The following C1QL4 variants were observed in gnomAD, a reference collection of about 807,000 sequenced individuals.
C1QL4 encodes the protein complement C1q like 4.
Under a neutral mutation model 13.4 loss-of-function variants are expected in C1QL4, and 5 were observed. That is an observed-to-expected ratio of 0.37 (90% CI 0.19 to 0.78). C1QL4 has a LOEUF of 0.78. Among genes scored for constraint, C1QL4 ranks in the 30% least tolerant of loss-of-function variants. The pLI is 0.47. For synonymous variants in C1QL4, 168 were observed against 153.9 expected (o/e 1.09, Z -0.68); for missense variants, 367 against 361.6 (o/e 1.01, Z -0.12).
intron 1 of C1QL4, 79 bp downstream of exon 1, chr12:49,335,862 A>T (rs1943626339): frequency 1.3e-6 from 2 of 1,486,096 alleles, no homozygotes; most frequent in Admixed American, 2.1e-5. Context: ...TTCGGGGAAT[A>T]ATCTCAGGTT....
chr12:49,333,265 G>T (rs1943606199), intron 1 of C1QL4, 32 bp from the exon 2 acceptor site: 10 of 1,600,380 alleles, frequency 6.2e-6, no homozygotes, highest in Admixed American at 1.7e-5. Context: ...CTCATGCTCT[G>T]TGTGGAGCTG....
chr12:49,335,864 T>C (rs978611452), intron 1 of C1QL4, 77 bp downstream of exon 1: 89 of 1,496,376 alleles, frequency 5.9e-5, no homozygotes, highest in Non-Finnish European at 7.9e-5. Context: ...CGGGGAATAA[T>C]CTCAGGTTGT....
rs1943635627 is a variant in C1QL4, at chr12:49,336,586, G to C, written c.-109C>G. The C allele has an allele frequency of 7.9e-7, 1 of 1,266,320 alleles. No individual in the cohort carries two copies. The allele number at this position is 1,266,320 out of a possible 1,614,324, so 78.4% of individuals were successfully genotyped here. A position where few individuals can be genotyped will look rare whatever the true frequency, so the allele number is the denominator to read the frequency against. ...TGGGCGCAATGGCTGCCGGGGCCGG[G>C]GCTCTCCGCGGGCCAGGAGGCGGTG... On this transcript the variant is annotated 5_prime_UTR_variant, in exon 1 of 2. Coordinates refer to ENST00000334221, the MANE Select transcript of C1QL4 (RefSeq NM_001008223.2). This position sits in a 1 kb window ranked among gnomAD's most constrained non-coding sequence, Gnocchi z 7.7.
chr12:49,335,884 G>T (rs1592316909), intron 1 of C1QL4, 57 bp downstream of exon 1: 10 of 1,546,088 alleles, frequency 6.5e-6, no homozygotes, highest in Non-Finnish European at 7.9e-6. Flanking sequence ...TGGGATGAGT[G>T]CAGGGAGATC....
At chr12:49,333,929 C>T (rs975938035) in intron 1 of C1QL4, among the ~76,000 whole-genome samples, 2 of 151,646 alleles carry the variant, frequency 1.3e-5, no homozygotes, top group African/African-American at 4.8e-5. Context: ...CGCGGTGGCT[C>T]ATACCTGTAA....
intron 1 of C1QL4, among the ~76,000 whole-genome samples, chr12:49,334,792 A>G (rs1195542997): frequency 6.6e-6 from 1 of 151,950 alleles, no homozygotes; most frequent in Non-Finnish European, 1.5e-5. Flanking sequence ...ACACACATAC[A>G]TATTCTTTCA....
Position 49,336,024 on chromosome 12 carries a change from C to T in C1QL4, c.454G>A (p.Gly152Ser), listed in dbSNP as rs1228969720. The T allele has an allele frequency of 2.5e-6, 4 of 1,611,798 alleles. No individual in the cohort carries two copies. The Admixed American group carries it at 5.0e-5, about 20-fold the overall frequency. Residue 152 changes from glycine (G) to serine (S), a missense_variant, in exon 1 of 2, where the codon GGC becomes AGC. Physicochemically the swap from Gly to Ser is moderately conservative, Grantham distance 56. Coordinates refer to ENST00000334221, the MANE Select transcript of C1QL4 (RefSeq NM_001008223.2). The surrounding 1 kb of genome is among the most constrained non-coding windows in gnomAD (Gnocchi z 7.7). ...ACGTGGTAAGCGAAGAAGTAGACGC[C>T]TGGCATGGGGCAAGTAAACTTGCCG... ...ASGKFTCPMP[G>S]VYFFAYHVLM...
chr12:49,332,972 G>T lies in C1QL4; in HGVS notation c.*82C>A. On this transcript the variant is annotated 3_prime_UTR_variant, in exon 2 of 2. Transcript: ENST00000334221. ...CCCACCGCCAGGCTCTCAAAGGGTG[G>T]GGTGGCGCCTCGGGTGGGGCGGGCA... 2 of 1,394,050 alleles carry T rather than the reference G, an allele frequency of 1.4e-6. No homozygotes were observed. The highest frequency in any genetic ancestry group is 1.9e-6 in the Non-Finnish European group (2 of 1,030,006). The allele number at this position is 1,394,050 out of a possible 1,614,324, so 86.4% of individuals were successfully genotyped here.
intron 1 of C1QL4, among the ~76,000 whole-genome samples, chr12:49,334,877 G>A (rs1943620147): frequency 6.6e-6 from 1 of 152,206 alleles, no homozygotes. Context: ...TCCCAAAGCA[G>A]GTCTCGGGGC....
chr12:49,335,332 G>C (rs891986208), intron 1 of C1QL4, among the ~76,000 whole-genome samples: 12 of 152,256 alleles, frequency 7.9e-5, no homozygotes, highest in Non-Finnish European at 1.8e-4. Context: ...GGGCAAGGCC[G>C]TTCTAGGCCC....
In C1QL4 at chr12:49,336,544, C is replaced by CAAAT; in HGVS notation, c.-71_-68dup. On this transcript the variant is annotated 5_prime_UTR_variant, in exon 1 of 2. Transcript: ENST00000334221. The surrounding 1 kb of genome is among the most constrained non-coding windows in gnomAD (Gnocchi z 7.7). ...TCAGCCGCGACGCTGCCAGGGCCAG[C>CAAAT]AAATCTTCCTCACTCTTGGGCGCAA... 1 of 1,404,442 alleles carries CAAAT rather than the reference C, an allele frequency of 7.1e-7. No homozygotes were observed. Among genetic ancestry groups the CAAAT allele is most frequent in the Non-Finnish European group, 9.2e-7 (1 of 1,088,498 alleles). 87.0% of individuals were successfully genotyped at this position (1,404,442 alleles called of 1,614,324 possible). A position where few individuals can be genotyped will look rare whatever the true frequency, so the allele number is the denominator to read the frequency against.
In C1QL4 at chr12:49,333,070, A is replaced by G. The variant is rs756193974; in HGVS notation, c.701T>C (p.Ile234Thr). ...GGGGCCGGCTCAGTCGGGGTAGATG[A>G]TGAAGCCGGAGAAGGTGCTGTACTT... is the stretch of plus-strand genomic sequence containing the variant. ...TNKYSTFSGF[I>T]IYPD is the part of the protein sequence containing the mutation. Residue 234 changes from isoleucine (I) to threonine (T), a missense_variant, in exon 2 of 2, where the codon ATC (isoleucine) becomes ACC (threonine). Coordinates refer to ENST00000334221, the MANE Select transcript of C1QL4 (RefSeq NM_001008223.2). The G allele has an allele frequency of 6.2e-7, 1 of 1,613,568 alleles. No homozygotes were observed. Among genetic ancestry groups the G allele is most frequent in the Non-Finnish European group, 8.5e-7 (1 of 1,179,762 alleles).
At position 49,333,003 on chromosome 12, in the gene C1QL4, T is replaced by G. The variant is rs1399131540; in HGVS notation, c.*51A>C. 12 of 1,494,638 alleles carry G rather than the reference T, an allele frequency of 8.0e-6. No individual in the cohort carries two copies. The highest frequency in any genetic ancestry group is 2.2e-4 in the Middle Eastern group (1 of 4,532). 92.6% of individuals were successfully genotyped at this position (1,494,638 alleles called of 1,614,324 possible). A position where few individuals can be genotyped will look rare whatever the true frequency, so the allele number is the denominator to read the frequency against. ...CGCCTCGGGTGGGGCGGGCAGGAGG[T>G]GGGTGAGGACGGGAGAGAAGGGGCG... On this transcript the variant is annotated 3_prime_UTR_variant, in exon 2 of 2. Transcript: ENST00000334221.
chr12:49,332,620 C>G lies in C1QL4; in HGVS notation c.*434G>C. 1 of 162,458 alleles carries G rather than the reference C, an allele frequency of 6.2e-6. No individual in the cohort carries two copies. Among genetic ancestry groups the G allele is most frequent in the Non-Finnish European group, 1.4e-5 (1 of 73,748 alleles). 10.1% of individuals were successfully genotyped at this position (162,458 alleles called of 1,614,324 possible). ...AGAGGGTGGCGAGAGAAAGTTGTGACGGAGAACCTGCACTACCCTGTTTTA... is the reference window on the plus strand; with the variant it reads ...AGAGGGTGGCGAGAGAAAGTTGTGAGGGAGAACCTGCACTACCCTGTTTTA... On this transcript the variant is annotated 3_prime_UTR_variant, in exon 2 of 2. Coordinates refer to ENST00000334221, the MANE Select transcript of C1QL4 (RefSeq NM_001008223.2).
In C1QL4 at chr12:49,333,146, C is replaced by T. The variant is rs1027795605; in HGVS notation, c.625G>A (p.Glu209Lys). The T allele has an allele frequency of 6.2e-6, 10 of 1,614,042 alleles. No individual in the cohort carries two copies. The highest frequency in any genetic ancestry group is 1.7e-5 in the Admixed American group (1 of 60,006). ...SVILHLDVGDEVFIKLDGGKV... is the reference protein window; with the variant it reads ...SVILHLDVGDKVFIKLDGGKV... ...CCGCCGTCCAGCTTGATGAAGACCT[C>T]GTCGCCCACGTCCAGGTGCAGAATG... is the stretch of plus-strand genomic sequence containing the variant. Residue 209 changes from glutamate (E) to lysine (K), a missense_variant, in exon 2 of 2, where the codon GAG (glutamate) becomes AAG (lysine). By Grantham distance (56) the Glu-to-Lys change is moderately conservative. Coordinates refer to ENST00000334221, the MANE Select transcript of C1QL4 (RefSeq NM_001008223.2).
chr12:49,333,617 A>G (rs1378094578), intron 1 of C1QL4, among the ~76,000 whole-genome samples: 1 of 141,056 alleles, frequency 7.1e-6, no homozygotes, highest in Non-Finnish European at 1.5e-5. Context: ...ATCTCGGCTT[A>G]CTGCAACCTC....
chr12:49,336,715 C>G lies in C1QL4; in HGVS notation c.-238G>C, dbSNP rs1252493035. 7 of 484,746 alleles carry G rather than the reference C, an allele frequency of 1.4e-5. No individual in the cohort carries two copies. Among genetic ancestry groups the G allele is most frequent in the Non-Finnish European group, 2.1e-5 (6 of 280,986 alleles). The allele number at this position is 484,746 out of a possible 1,614,324, so 30.0% of individuals were successfully genotyped here. A position where few individuals can be genotyped will look rare whatever the true frequency, so the allele number is the denominator to read the frequency against. On this transcript the variant is annotated 5_prime_UTR_variant, in exon 1 of 2. Coordinates refer to ENST00000334221, the MANE Select transcript of C1QL4 (RefSeq NM_001008223.2). This position sits in a 1 kb window ranked among gnomAD's most constrained non-coding sequence, Gnocchi z 7.7. ...GCGGCGGTGCCGCTCCCCAAGCCGT[C>G]CGTCAAGGGGAGGCCCCTCGTGGGT...
chr12:49,335,959 G>T lies in C1QL4; in HGVS notation c.519C>A (p.Asp173Glu), dbSNP rs960781672. 5 of 1,605,302 alleles carry T rather than the reference G, an allele frequency of 3.1e-6. No homozygotes were observed. In the African/African-American group the frequency reaches 6.7e-5, roughly 21 times the overall value. ...RGGDGTSMWA[D>E]LMKNGQVRAS... ...ATCTCACCTGTCCGTTCTTCATGAG[G>T]TCGGCCCACATGCTGGTGCCGTCGC... is the stretch of plus-strand genomic sequence containing the variant. The change falls in exon 1 of 2, where the codon GAC becomes GAA. Residue 173 changes from aspartate to glutamate, a missense_variant. Asp to Glu is a conservative substitution (Grantham distance 45, BLOSUM62 2). Coordinates refer to ENST00000334221, the MANE Select transcript of C1QL4 (RefSeq NM_001008223.2).
intron 1 of C1QL4, among the ~76,000 whole-genome samples, chr12:49,334,238 T>C (rs914782146): frequency 6.6e-6 from 1 of 152,208 alleles, no homozygotes; most frequent in African/African-American, 2.4e-5. Context: ...GGATAATTTC[T>C]AAAATTCTGA....
Sources: allele counts gnomAD v4.1 joint callset (sites outside exome capture counted in the v4.1 genomes callset), GRCh38; gene constraint gnomAD v4.1.1; non-coding constraint Gnocchi (gnomAD v3.1); transcripts MANE v1.5; gene names NCBI Gene and HGNC (gene_info 2026-07-23, HGNC 2026-07-21).